Variants in GABRP observed in about 807,000 individuals in gnomAD.
GABRP encodes gamma-aminobutyric acid type A receptor subunit pi.
GABRP carries 52 observed loss-of-function variants against 47.8 expected under a neutral mutation model. That is an observed-to-expected ratio of 1.09 (90% CI 0.87 to 1.37). The LOEUF is 1.37. Among genes scored for constraint, GABRP ranks in the 40% most tolerant of loss-of-function variants. GABRP has a pLI of 0.00. For synonymous variants in GABRP, 221 were observed against 205.8 expected (o/e 1.07, Z -0.63); for missense variants, 525 against 542.8 (o/e 0.97, Z 0.33).
intron 1 of GABRP, among the ~76,000 whole-genome samples, chr5:170,786,013 C>A (rs1561805155): frequency 6.6e-6 from 1 of 152,180 alleles, no homozygotes; most frequent in Non-Finnish European, 1.5e-5. Flanking sequence ...TTTTGCATAC[C>A]AAATATCCCC....
At chr5:170,804,901 T>C (rs976073627) in intron 6 of GABRP, among the ~76,000 whole-genome samples, 1 of 150,820 alleles carries the variant, frequency 6.6e-6, no homozygotes, top group Non-Finnish European at 1.5e-5. Flanking sequence ...TGGAACAGCA[T>C]TTATTGAATA....
chr5:170,791,695 C>T (rs1200538473), intron 3 of GABRP, among the ~76,000 whole-genome samples: 1 of 152,146 alleles, frequency 6.6e-6, no homozygotes, highest in Non-Finnish European at 1.5e-5. Flanking sequence ...CTTTTCCATT[C>T]TCTGCATTCT....
intron 3 of GABRP, among the ~76,000 whole-genome samples, chr5:170,790,721 A>G (rs1765241039): frequency 6.6e-6 from 1 of 152,130 alleles, no homozygotes; most frequent in Non-Finnish European, 1.5e-5. Context: ...TCCTTGAGCT[A>G]CAGGTGCATT....
rs1765948992 is a variant in GABRP, at chr5:170,813,592, GAT to G, written c.*1335_*1336del. ...AGTCTCAGCCAACAGTACCAAAAGT[GAT>G]TTTTGAGTGTGCCAGGGTAAAGGCT... On this transcript the variant is annotated 3_prime_UTR_variant, in exon 10 of 10. Transcript: ENST00000265294. The G allele has an allele frequency of 6.6e-6, 1 of 152,190 alleles. No homozygotes were observed. Among genetic ancestry groups the G allele is most frequent in the Non-Finnish European group, 1.5e-5 (1 of 68,042 alleles). The allele number at this position is 152,190 out of a possible 1,614,324, so 9.4% of individuals were successfully genotyped here. A position where few individuals can be genotyped will look rare whatever the true frequency, so the allele number is the denominator to read the frequency against.
chr5:170,791,344 T>C (rs1476495212), intron 3 of GABRP, among the ~76,000 whole-genome samples: 1 of 152,236 alleles, frequency 6.6e-6, no homozygotes, highest in Non-Finnish European at 1.5e-5. Flanking sequence ...TATACTTGCA[T>C]GGCAGGCTGG....
Position 170,789,200 on chromosome 5 carries a change from A to G in GABRP, c.125A>G (p.Glu42Gly). 2.5e-6 allele frequency: 4 copies of G among 1,614,198 alleles called. No homozygotes were observed. The highest frequency in any genetic ancestry group is 3.4e-6 in the Non-Finnish European group (4 of 1,180,030). The stretch of plus-strand genomic sequence containing the variant: ...GACAAGCTTTCCCTGCCTGGCTTTG[A>G]GAACCTCACAGCAGGATATAACAAA... ...RSDKLSLPGF[E>G]NLTAGYNKFL... is the part of the protein sequence containing the mutation. The change falls in exon 3 of 10, where the codon GAG becomes GGG. Residue 42 changes from glutamate to glycine, a missense_variant. Coordinates refer to ENST00000265294, the MANE Select transcript of GABRP (RefSeq NM_014211.3).
chr5:170,797,391 G>A (rs1220210136), intron 5 of GABRP, 75 bp from the exon 6 acceptor site: 2 of 886,262 alleles, frequency 2.3e-6, no homozygotes, highest in Admixed American at 1.7e-5. Context: ...TCTTCTTTGA[G>A]TGGGCCTTCG....
chr5:170,806,857 A>C (rs1765749764), intron 7 of GABRP, among the ~76,000 whole-genome samples: 1 of 152,182 alleles, frequency 6.6e-6, no homozygotes. Context: ...CTGGAATAGA[A>C]GGAAAGATGA....
chr5:170,800,275 A>C (rs1349859301), intron 6 of GABRP, among the ~76,000 whole-genome samples: 1 of 152,232 alleles, frequency 6.6e-6, no homozygotes, highest in Non-Finnish European at 1.5e-5. Context: ...GTGCTGGGAA[A>C]ACTGGCTAGC....
At chr5:170,788,409 A>G in intron 1 of GABRP, 165 bp from the exon 2 acceptor site, 1 of 495,984 alleles carries the variant, frequency 2.0e-6, no homozygotes, top group Non-Finnish European at 3.6e-6. Flanking sequence ...TCATTCCTGG[A>G]GGGAACACAG....
intron 5 of GABRP, 44 bp downstream of exon 5, chr5:170,795,469 G>C (rs751901884): frequency 6.7e-7 from 1 of 1,494,724 alleles, no homozygotes; most frequent in Non-Finnish European, 9.3e-7. Context: ...ACGGCAGCTG[G>C]GAGAAAACAT....
chr5:170,794,370 C>A, intron 4 of GABRP, 72 bp downstream of exon 4: 1 of 684,708 alleles, frequency 1.5e-6, no homozygotes, highest in African/African-American at 2.6e-5. Context: ...TGCTTTCTAG[C>A]CGCTCAAAAA....
intron 3 of GABRP, among the ~76,000 whole-genome samples, chr5:170,790,517 G>T (rs1008771191): frequency 1.3e-5 from 2 of 152,182 alleles, no homozygotes; most frequent in African/African-American, 2.4e-5. Context: ...GATGCCAAGA[G>T]CTGATGACTT....
At position 170,789,352 on chromosome 5, in the gene GABRP, G is replaced by C. The variant is rs781318764; in HGVS notation, c.172+105G>C. 82 of 678,214 alleles carry C rather than the reference G, an allele frequency of 1.2e-4. 1 individual carries two copies. Among genetic ancestry groups the C allele is most frequent in the Middle Eastern group, 5.3e-4 (2 of 3,748 alleles). The allele number at this position is 678,214 out of a possible 1,614,324, so 42.0% of individuals were successfully genotyped here. A position where few individuals can be genotyped will look rare whatever the true frequency, so the allele number is the denominator to read the frequency against. On this transcript the variant is annotated intron_variant, in intron 3 of 9. Coordinates refer to ENST00000265294, the MANE Select transcript of GABRP (RefSeq NM_014211.3). Reference sequence around the variant, plus strand: ...TTTAGTTGACTCCATTTTCTGATCTGCAGCCTGTTAAGGATTGGCAATGAT... The same window carrying C: ...TTTAGTTGACTCCATTTTCTGATCTCCAGCCTGTTAAGGATTGGCAATGAT...
rs147538243 is a variant in GABRP at position 170,813,886 on chromosome 5, G to A, written c.*1628G>A. On this transcript the variant is annotated 3_prime_UTR_variant, in exon 10 of 10. Coordinates refer to ENST00000265294, the MANE Select transcript of GABRP (RefSeq NM_014211.3). Reference sequence around the variant, plus strand: ...TGGGTGGGAGTGCTGGTGAAAAGAGGTGAAATGTGGTTGTATGAGCCAATC... The same window carrying A: ...TGGGTGGGAGTGCTGGTGAAAAGAGATGAAATGTGGTTGTATGAGCCAATC... The A allele has an allele frequency of 3.2e-3, 485 of 152,092 alleles. No individual in the cohort carries two copies. Among genetic ancestry groups the A allele is most frequent in the African/African-American group, 9.9e-3 (409 of 41,480 alleles). The allele number at this position is 152,092 out of a possible 1,614,324, so 9.4% of individuals were successfully genotyped here.
At position 170,812,224 on chromosome 5, in the gene GABRP, A is replaced by G. The variant is rs767557027; in HGVS notation, c.1289A>G (p.Asn430Ser). The change falls in exon 10 of 10, where the codon AAT (asparagine) becomes AGT (serine). Residue 430 changes from asparagine to serine, a missense_variant. Physicochemically the swap from Asn to Ser is conservative, Grantham distance 46. Coordinates refer to ENST00000265294, the MANE Select transcript of GABRP (RefSeq NM_014211.3). ...TTTCCTTTGATTTTTATGCTAGCCA[A>G]TGTATTTTACTGGGCATACTACATG... ...LLFPLIFMLA[N>S]VFYWAYYMYF 1.1e-5 allele frequency: 17 copies of G among 1,613,666 alleles called. No homozygotes were observed. In the Admixed American group the frequency reaches 1.8e-4, roughly 17 times the overall value.
chr5:170,794,373 CTCAAAAA>C, intron 4 of GABRP, 75 bp downstream of exon 4: 1 of 473,950 alleles, frequency 2.1e-6, no homozygotes. Context: ...TTTCTAGCCG[CTCAAAAA>C]AAAAAAAAAA....
At chr5:170,794,375 CA>C (rs34296291) in intron 4 of GABRP, 77 bp downstream of exon 4, 33,000 of 258,728 alleles carry the variant, frequency 0.13, 939 homozygotes, top group African/African-American at 0.29. Context: ...TCTAGCCGCT[CA>C]AAAAAAAAAA....
At chr5:170,809,798 C>T (rs1259712192) in intron 9 of GABRP, 43 bp downstream of exon 9, 9 of 1,543,038 alleles carry the variant, frequency 5.8e-6, no homozygotes, top group Admixed American at 5.6e-5. Flanking sequence ...TCACTGGTGC[C>T]GTGTGCTGAT....
Sources: gnomAD v4.1 joint callset for allele counts (sites outside exome capture counted in the v4.1 genomes callset) on GRCh38, gnomAD v4.1.1 for gene constraint, MANE v1.5 for transcripts, NCBI Gene and HGNC (gene_info 2026-07-23, HGNC 2026-07-21) for gene names.